GOLGA3: variants seen among roughly 807,000 people sequenced by gnomAD.
GOLGA3 encodes golgin A3, also known as golgin subfamily A member 3.
A neutral mutation model predicts 169.4 loss-of-function variants in GOLGA3; 75 were observed. The observed-to-expected ratio is 0.44, with a 90% CI of 0.37 to 0.54. The LOEUF (loss-of-function observed/expected upper bound fraction) is 0.54, where lower values mean the gene tolerates loss of function less well. GOLGA3 is among the 20% of genes least tolerant of loss of function. The probability of loss-of-function intolerance (pLI) is 0.00; values close to 1 mark genes in which losing one functional copy is unlikely to be tolerated. For missense variants in GOLGA3, 1,899 were observed against 1,930.0 expected (o/e 0.98, Z 0.30); for synonymous variants, 824 against 822.4 (o/e 1.00, Z -0.03).
Position 132,774,481 on chromosome 12 carries a change from G to A in GOLGA3, c.4144-161C>T, listed in dbSNP as rs553706371. The stretch of plus-strand genomic sequence containing the variant: ...GTGGCAGCCCAGCACGACAGTCCCC[G>A]GAGCTCCAGAATAGCTGGCTGAGGA... On this transcript the variant is annotated intron_variant, in intron 22 of 23. Transcript: ENST00000450791. The A allele has an allele frequency of 3.9e-5, 27 of 693,016 alleles. No individual in the cohort carries two copies. The East Asian group carries it at 4.3e-4, about 11-fold the overall frequency. The allele number at this position is 693,016 out of a possible 1,614,324, so 42.9% of individuals were successfully genotyped here.
At chr12:132,788,818 C>A (rs947181244) in intron 13 of GOLGA3, among the ~76,000 whole-genome samples, 2 of 152,162 alleles carry the variant, frequency 1.3e-5, no homozygotes, top group African/African-American at 4.8e-5. Context: ...CACCGGACTG[C>A]CCCTCTGGGA....
In GOLGA3 at chr12:132,797,757, C is replaced by T. The variant is rs148912679; in HGVS notation, c.1938+583G>A. Among the ~76,000 whole-genome samples, 62 of 152,122 alleles carry T rather than the reference C, an allele frequency of 4.1e-4. No homozygotes were observed. In the East Asian group the frequency reaches 0.01, roughly 25 times the overall value. On this transcript the variant is annotated intron_variant, in intron 9 of 23. Coordinates refer to ENST00000450791, the MANE Select transcript of GOLGA3 (RefSeq NM_001389683.1). ...CTCAGAGAGGTAAGAAATTGTCCAG[C>T]GCCCCACAGCTAAAGGAGAACAGCT...
Position 132,816,702 on chromosome 12 carries a change from G to T in GOLGA3, c.244C>A (p.Leu82Ile). The change falls in exon 3 of 24, where the codon CTC (leucine) becomes ATC (isoleucine). Residue 82 changes from leucine to isoleucine, a missense_variant. Transcript: ENST00000450791. ...TPPFPDPPSSLDPTTSPVGPD... is the reference protein window; with the variant it reads ...TPPFPDPPSSIDPTTSPVGPD... Reference sequence around the variant, plus strand: ...CCCACTGGGCTTGTGGTGGGATCGAGAGACGACGGAGGGTCTGGGAAGGGT... The same window carrying T: ...CCCACTGGGCTTGTGGTGGGATCGATAGACGACGGAGGGTCTGGGAAGGGT... The T allele has an allele frequency of 6.2e-7, 1 of 1,614,164 alleles. No individual in the cohort carries two copies. Among genetic ancestry groups the T allele is most frequent in the Non-Finnish European group, 8.5e-7 (1 of 1,180,008 alleles).
rs986111448 is a variant in GOLGA3 at position 132,777,749 on chromosome 12, G to A, written c.3639C>T (p.Ser1213=). The change falls in exon 19 of 24, where the codon TCC becomes TCT. Residue 1213 remains serine (S), a synonymous_variant. Coordinates refer to ENST00000450791, the MANE Select transcript of GOLGA3 (RefSeq NM_001389683.1). The surrounding 1 kb of genome is among the most constrained non-coding windows in gnomAD (Gnocchi z 4.7). ...GHNRRHFKAA[S]LELSEVKKEL... ...CCTTCTTCACCTCACTCAGCTCCAA[G>A]GAGGCCGCCTTGAAGTGGCGGCGGT... 4 of 1,613,992 alleles carry A rather than the reference G, an allele frequency of 2.5e-6. No homozygotes were observed. In the African/African-American group the frequency reaches 4.0e-5, roughly 16 times the overall value.
intron 23 of GOLGA3, 136 bp from the exon 24 acceptor site, chr12:132,773,430 C>CTT: frequency 5.8e-6 from 3 of 520,742 alleles, no homozygotes; most frequent in South Asian, 2.7e-5. Flanking sequence ...ACTGAGACCA[C>CTT]AGAAGCTCAG....
Position 132,776,765 on chromosome 12 carries a change from G to T in GOLGA3, c.3856-9C>A, listed in dbSNP as rs543870893. ...CATTTGAGATTTTCCATCTAAAGAG[G>T]GGAAAGTCACATGGCCAAAAGAATA... On this transcript the variant is annotated splice_polypyrimidine_tract_variant and intron_variant, in intron 20 of 23. Transcript: ENST00000450791. 149 of 1,613,538 alleles carry T rather than the reference G, an allele frequency of 9.2e-5. No homozygotes were observed. Among genetic ancestry groups the T allele is most frequent in the Admixed American group, 2.2e-4 (13 of 59,950 alleles).
At chr12:132,784,884 C>T (rs772898732) in intron 15 of GOLGA3, among the ~76,000 whole-genome samples, 10 of 152,132 alleles carry the variant, frequency 6.6e-5, no homozygotes, top group East Asian at 3.8e-4. Context: ...ACACTCCACA[C>T]GCTGCACACA....
chr12:132,821,717 G>A (rs1358536015), intron 2 of GOLGA3, among the ~76,000 whole-genome samples: 7 of 151,022 alleles, frequency 4.6e-5, no homozygotes, highest in Non-Finnish European at 7.4e-5. Flanking sequence ...AGCCGGGCGC[G>A]GTGGCGGGCG....
intron 2 of GOLGA3, among the ~76,000 whole-genome samples, chr12:132,819,716 G>A (rs1361098186): frequency 6.6e-6 from 1 of 151,878 alleles, no homozygotes; most frequent in Non-Finnish European, 1.5e-5. Context: ...CCACTGCTGG[G>A]AGAGGGGGAA....
chr12:132,791,760 T>C (rs553778965), intron 11 of GOLGA3, among the ~76,000 whole-genome samples: 11 of 123,860 alleles, frequency 8.9e-5, no homozygotes, highest in Admixed American at 2.5e-4. Context: ...AGGGGCCACA[T>C]CTGCAGAGAT....
Position 132,773,017 on chromosome 12 carries a change from C to G in GOLGA3, c.*88G>C, listed in dbSNP as rs1168872976. Reference sequence around the variant, plus strand: ...GCAAAACAAAACTTAAATTTCATGTCTTAGAAAAACATCGACCACACAATC... The same window carrying G: ...GCAAAACAAAACTTAAATTTCATGTGTTAGAAAAACATCGACCACACAATC... On this transcript the variant is annotated 3_prime_UTR_variant, in exon 24 of 24. Transcript: ENST00000450791. The G allele has an allele frequency of 3.0e-6, 3 of 1,007,630 alleles. No individual in the cohort carries two copies. Among genetic ancestry groups the G allele is most frequent in the Non-Finnish European group, 2.8e-6 (2 of 709,470 alleles). The allele number at this position is 1,007,630 out of a possible 1,614,324, so 62.4% of individuals were successfully genotyped here.
At chr12:132,827,702 A>C (rs1220967805) in intron 1 of GOLGA3, 1 of 152,174 alleles carries the variant, frequency 6.6e-6, no homozygotes, top group Non-Finnish European at 1.5e-5. Context: ...CTTGCCATTT[A>C]AGGTATACTG....
rs1219811750 is a variant in GOLGA3, at chr12:132,802,944, A to G, written c.1598-975T>C. ...GTGGCAGACGCCTGTAATACCAGCT[A>G]CTAGGGAGGCTGAGGCAGGAGAATC... On this transcript the variant is annotated intron_variant, in intron 7 of 23. Transcript: ENST00000450791. Among the ~76,000 whole-genome samples, 3 of 152,282 alleles carry G rather than the reference A, an allele frequency of 2.0e-5. No homozygotes were observed. The East Asian group carries it at 5.8e-4, about 29-fold the overall frequency.
intron 17 of GOLGA3, 123 bp from the exon 18 acceptor site, chr12:132,781,037 T>G (rs2045575672): frequency 1.4e-6 from 1 of 707,384 alleles, no homozygotes; most frequent in Non-Finnish European, 2.5e-6. Context: ...TAGAGGGAAC[T>G]TCACTGCTGA....
rs904685663 is a variant in GOLGA3, at chr12:132,800,366, C to T, written c.1800+1401G>A. On this transcript the variant is annotated intron_variant, in intron 8 of 23. Coordinates refer to ENST00000450791, the MANE Select transcript of GOLGA3 (RefSeq NM_001389683.1). Reference sequence around the variant, plus strand: ...AAAATTAGCCGGGCATGGTGGCGGGCGCCTGTAATCCCAGCTACTCGGGAC... The same window carrying T: ...AAAATTAGCCGGGCATGGTGGCGGGTGCCTGTAATCCCAGCTACTCGGGAC... Among the ~76,000 whole-genome samples, 10 of 150,966 alleles carry T rather than the reference C, an allele frequency of 6.6e-5. No homozygotes were observed. The East Asian group carries it at 8.0e-4, about 12-fold the overall frequency.
At chr12:132,791,175 T>C (rs753330392) in intron 12 of GOLGA3, 41 bp downstream of exon 12, 2 of 1,132,238 alleles carry the variant, frequency 1.8e-6, no homozygotes, top group East Asian at 4.8e-5. Context: ...ACTCTGTTCA[T>C]ATGCTTGTTT....
At chr12:132,822,687 G>A (rs756739375) in intron 1 of GOLGA3, among the ~76,000 whole-genome samples, 8 of 152,234 alleles carry the variant, frequency 5.3e-5, no homozygotes, top group Non-Finnish European at 7.4e-5. Context: ...TTGGGAGGCC[G>A]AGGCAGGCAG....
At chr12:132,825,849 C>T (rs1950390768) in intron 1 of GOLGA3, 1 of 991,472 alleles carries the variant, frequency 1.0e-6, no homozygotes, top group South Asian at 1.3e-5. Context: ...CCCAAAGAGG[C>T]TACTGAGGGC....
At chr12:132,794,494 C>T (rs1355330235) in intron 11 of GOLGA3, among the ~76,000 whole-genome samples, 1 of 152,216 alleles carries the variant, frequency 6.6e-6, no homozygotes, top group African/African-American at 2.4e-5. Flanking sequence ...GGGAAGGCAG[C>T]TTCCAAGACA....
Sources: gnomAD v4.1 joint callset for allele counts (sites outside exome capture counted in the v4.1 genomes callset) on GRCh38, gnomAD v4.1.1 for gene constraint, Gnocchi (gnomAD v3.1) non-coding constraint, MANE v1.5 for transcripts, NCBI Gene and HGNC (gene_info 2026-07-23, HGNC 2026-07-21) for gene names.